DCLK1: variants seen among roughly 807,000 people sequenced by gnomAD.
The protein encoded by DCLK1 is serine/threonine-protein kinase DCLK1.
DCLK1 carries 16 observed loss-of-function variants against 86.2 expected under a neutral mutation model. The observed-to-expected ratio is 0.19, with a 90% CI of 0.13 to 0.28. The LOEUF (loss-of-function observed/expected upper bound fraction) is 0.28, where lower values mean the gene tolerates loss of function less well. DCLK1 is among the 10% of genes least tolerant of loss of function. DCLK1 has a pLI of 1.00. For missense variants in DCLK1, 590 were observed against 940.2 expected (o/e 0.63, Z 4.87); for synonymous variants, 369 against 370.5 (o/e 1.00, Z 0.05).
chr13:35,842,761 G>A (rs551961634), intron 6 of DCLK1, among the ~76,000 whole-genome samples: 1 of 152,214 alleles, frequency 6.6e-6, no homozygotes, highest in Non-Finnish European at 1.5e-5. Flanking sequence ...ACTTCCTCAC[G>A]TTAAATGTCA....
intron 3 of DCLK1, among the ~76,000 whole-genome samples, chr13:36,073,435 T>C (rs746766604): frequency 1.1e-4 from 16 of 152,122 alleles, no homozygotes; most frequent in Non-Finnish European, 1.3e-4. Flanking sequence ...ATAACGAATA[T>C]GAGGTTCAGA....
In DCLK1 at chr13:35,897,074, T is replaced by C. The variant is rs569293605; in HGVS notation, c.824-25734A>G. Among the ~76,000 whole-genome samples, 3 of 152,228 alleles carry C rather than the reference T, an allele frequency of 2.0e-5. No individual in the cohort carries two copies. In the South Asian group the frequency reaches 6.2e-4, roughly 32 times the overall value. ...AGGAGAACTGCCAGCCATTCTTCATTATCGGGCCATTGAATTAGAACAGAA... is the reference window on the plus strand; with the variant it reads ...AGGAGAACTGCCAGCCATTCTTCATCATCGGGCCATTGAATTAGAACAGAA... On this transcript the variant is annotated intron_variant, in intron 4 of 16. Transcript: ENST00000360631.
chr13:35,847,483 T>C (rs1333209453), intron 6 of DCLK1: 1 of 985,124 alleles, frequency 1.0e-6, no homozygotes. Context: ...CCCAAACACC[T>C]GTATAGATAT....
At chr13:36,072,825 A>G (rs1469319636) in intron 3 of DCLK1, among the ~76,000 whole-genome samples, 2 of 152,262 alleles carry the variant, frequency 1.3e-5, no homozygotes, top group African/African-American at 4.8e-5. Context: ...ATTTTACTAC[A>G]GTCATGAAAG....
chr13:35,928,639 T>C (rs1337786851), intron 4 of DCLK1, among the ~76,000 whole-genome samples: 2 of 152,224 alleles, frequency 1.3e-5, no homozygotes, highest in Non-Finnish European at 2.9e-5. Context: ...AAGCTCTATG[T>C]GGGCAAGAAT....
At chr13:35,961,677 G>C (rs1878470988) in intron 3 of DCLK1, among the ~76,000 whole-genome samples, 1 of 152,060 alleles carries the variant, frequency 6.6e-6, no homozygotes, top group Non-Finnish European at 1.5e-5. Flanking sequence ...ATTTGTCCAC[G>C]CCAATCATAA....
At chr13:35,864,977 A>C (rs143664678) in intron 5 of DCLK1, among the ~76,000 whole-genome samples, 37 of 152,264 alleles carry the variant, frequency 2.4e-4, no homozygotes, top group African/African-American at 7.7e-4. Flanking sequence ...ATCCAAGAAA[A>C]GATCAAAATT....
chr13:36,087,481 C>A (rs1048221821), intron 3 of DCLK1, among the ~76,000 whole-genome samples: 1 of 152,098 alleles, frequency 6.6e-6, no homozygotes, highest in Non-Finnish European at 1.5e-5. Context: ...GTTAGGTATT[C>A]GTTTGGTAAT....
chr13:35,968,632 A>C (rs995438115), intron 3 of DCLK1, among the ~76,000 whole-genome samples: 7 of 152,146 alleles, frequency 4.6e-5, no homozygotes, highest in Non-Finnish European at 8.8e-5. Flanking sequence ...ATTTCTCTGA[A>C]ATTCAATTAC....
rs1027261138 is a variant in DCLK1 at position 35,773,103 on chromosome 13, G to C, written c.*1432C>G. ...CCCAGGAGAATCCTCTCTGAGCACT[G>C]TGGTGATGCACAGAACCTGTGAATC... is the stretch of plus-strand genomic sequence containing the variant. On this transcript the variant is annotated 3_prime_UTR_variant, in exon 17 of 17. Coordinates refer to ENST00000360631, the MANE Select transcript of DCLK1 (RefSeq NM_001330071.2). The C allele has an allele frequency of 6.6e-6, 1 of 152,294 alleles. No individual in the cohort carries two copies. The highest frequency in any genetic ancestry group is 2.4e-5 in the African/African-American group (1 of 41,444). The allele number at this position is 152,294 out of a possible 1,614,324, so 9.4% of individuals were successfully genotyped here. A position where few individuals can be genotyped will look rare whatever the true frequency, so the allele number is the denominator to read the frequency against.
intron 3 of DCLK1, among the ~76,000 whole-genome samples, chr13:35,987,824 C>A (rs1880013449): frequency 6.6e-6 from 1 of 152,140 alleles, no homozygotes; most frequent in Admixed American, 6.5e-5. Context: ...CTCCAGAGGC[C>A]AGAAGCTTAC....
At chr13:36,068,841 G>A (rs926545827) in intron 3 of DCLK1, among the ~76,000 whole-genome samples, 4 of 152,120 alleles carry the variant, frequency 2.6e-5, no homozygotes, top group Admixed American at 6.5e-5. Context: ...TCCAAAGTAC[G>A]TAGTCTTTCA....
chr13:36,067,874 C>G (rs1387682064), intron 3 of DCLK1, among the ~76,000 whole-genome samples: 2 of 152,140 alleles, frequency 1.3e-5, no homozygotes, highest in Non-Finnish European at 2.9e-5. Context: ...TCTGCTGCCC[C>G]CCACAGAACA....
At chr13:36,124,583 T>C (rs1886103528) in intron 2 of DCLK1, among the ~76,000 whole-genome samples, 1 of 152,178 alleles carries the variant, frequency 6.6e-6, no homozygotes, top group East Asian at 1.9e-4. Flanking sequence ...TCTGTCAGTG[T>C]GCGGTCAGGG....
At position 35,822,885 on chromosome 13, in the gene DCLK1, G is replaced by A. The variant is rs768793017; in HGVS notation, c.1408-10C>T. On this transcript the variant is annotated splice_polypyrimidine_tract_variant and intron_variant, in intron 10 of 16. Coordinates refer to ENST00000360631, the MANE Select transcript of DCLK1 (RefSeq NM_001330071.2). ...CAAAAAGGTCTCCCCCCTGAGAAGA[G>A]AACAGAAGCTGAAGCAGCACATTAA... is the stretch of plus-strand genomic sequence containing the variant. 2.5e-5 allele frequency: 40 copies of A among 1,613,598 alleles called. No homozygotes were observed. Among genetic ancestry groups the A allele is most frequent in the Middle Eastern group, 3.3e-4 (2 of 6,032 alleles).
intron 6 of DCLK1, among the ~76,000 whole-genome samples, chr13:35,841,697 G>A (rs994816154): frequency 1.3e-5 from 2 of 152,014 alleles, no homozygotes; most frequent in African/African-American, 2.4e-5. Flanking sequence ...ACGTACTTAC[G>A]GTCATACAGA....
At position 35,987,750 on chromosome 13, in the gene DCLK1, T is replaced by A. The variant is rs149607969; in HGVS notation, c.724-40293A>T. Among the ~76,000 whole-genome samples the A allele has an allele frequency of 2.6e-3, 390 of 152,306 alleles. 3 individuals are homozygous for A. Among genetic ancestry groups the A allele is most frequent in the African/African-American group, 8.6e-3 (358 of 41,584 alleles). On this transcript the variant is annotated intron_variant, in intron 3 of 16. Transcript: ENST00000360631. ...CGCGGCCACAGTGGGGGAGCCAAGATAGAGTCCCAGTCTGTAACACTTGCT... is the reference window on the plus strand; with the variant it reads ...CGCGGCCACAGTGGGGGAGCCAAGAAAGAGTCCCAGTCTGTAACACTTGCT...
intron 6 of DCLK1, among the ~76,000 whole-genome samples, chr13:35,852,489 G>A (rs1870727581): frequency 6.6e-6 from 1 of 152,150 alleles, no homozygotes; most frequent in African/African-American, 2.4e-5. Flanking sequence ...TTTTCAGATG[G>A]TATAAACCCT....
rs148089527 is a variant in DCLK1 at position 35,817,667 on chromosome 13, C to A, written c.1554+5062G>T. ...GTGGTACATCCCTTCTCTGGGTCAACCCCAGGCCCAGACAGAATGTGTTCA... is the reference window on the plus strand; with the variant it reads ...GTGGTACATCCCTTCTCTGGGTCAAACCCAGGCCCAGACAGAATGTGTTCA... On this transcript the variant is annotated intron_variant, in intron 11 of 16. Transcript: ENST00000360631. 5.5e-3 allele frequency among the ~76,000 whole-genome samples: 844 copies of A among 152,188 alleles called. 5 individuals are homozygous for A. The highest frequency in any genetic ancestry group is 0.017 in the Middle Eastern group (5 of 294).
Sources: allele counts gnomAD v4.1 joint callset (sites outside exome capture counted in the v4.1 genomes callset), GRCh38; gene constraint gnomAD v4.1.1; transcripts MANE v1.5; gene names NCBI Gene and HGNC (gene_info 2026-07-23, HGNC 2026-07-21).